The following IL16 variants were observed in gnomAD, a reference collection of about 807,000 sequenced individuals.
IL16 encodes pro-interleukin-16.
A neutral mutation model predicts 110.1 loss-of-function variants in IL16; 67 were observed. The ratio of observed to expected loss-of-function variants is 0.61; its 90% CI spans 0.50 to 0.75. The LOEUF (loss-of-function observed/expected upper bound fraction) is 0.75. Ranked by LOEUF, IL16 falls within the 30% of genes least tolerant of loss-of-function variation. IL16 has a pLI of 0.00. For missense variants in IL16, 1,545 were observed against 1,655.0 expected (o/e 0.93, Z 1.15); for synonymous variants, 689 against 662.9 (o/e 1.04, Z -0.61).
chr15:81,301,555 T>C, intron 15 of IL16, 43 bp downstream of exon 15: 1 of 1,572,078 alleles, frequency 6.4e-7, no homozygotes, highest in Non-Finnish European at 8.7e-7. Flanking sequence ...AATGGCTTAT[T>C]ATGGCTGTGT....
At chr15:81,297,751 G>A (rs906092389) in intron 13 of IL16, among the ~76,000 whole-genome samples, 1 of 152,186 alleles carries the variant, frequency 6.6e-6, no homozygotes, top group African/African-American at 2.4e-5. Context: ...AGCACACATT[G>A]AATGCTGGCT....
chr15:81,201,684 T>G (rs1332844465), intron 1 of IL16, among the ~76,000 whole-genome samples: 1 of 152,246 alleles, frequency 6.6e-6, no homozygotes, highest in African/African-American at 2.4e-5. Flanking sequence ...TGTATTTTAA[T>G]CTTTAATATT....
chr15:81,253,853 T>G (rs1331874943), intron 2 of IL16, among the ~76,000 whole-genome samples: 3 of 152,316 alleles, frequency 2.0e-5, no homozygotes, highest in East Asian at 1.9e-4. Context: ...TATAAGGACA[T>G]GGGAACTGCA....
chr15:81,276,552 C>T (rs1199584295), intron 6 of IL16, among the ~76,000 whole-genome samples: 2 of 152,132 alleles, frequency 1.3e-5, no homozygotes, highest in Non-Finnish European at 2.9e-5. Flanking sequence ...GCCAACAGGC[C>T]CCAGGGGAGC....
chr15:81,197,541 T>G (rs1895641696), intron 1 of IL16, among the ~76,000 whole-genome samples: 1 of 152,078 alleles, frequency 6.6e-6, no homozygotes, highest in Non-Finnish European at 1.5e-5. Context: ...ACGGGGCACC[T>G]GATGGGGGCT....
intron 1 of IL16, among the ~76,000 whole-genome samples, chr15:81,222,374 G>GTTT (rs3086708): frequency 7.3e-6 from 1 of 137,038 alleles, no homozygotes. Flanking sequence ...TTCCAGGAGG[G>GTTT]TTTTTTTTTT....
In IL16 at chr15:81,224,497, C is replaced by T. The variant is rs149788710; in HGVS notation, c.-101-802C>T. Among the ~76,000 whole-genome samples the T allele has an allele frequency of 1.3e-4, 20 of 152,318 alleles. No homozygotes were observed. The East Asian group carries it at 3.9e-3, about 29-fold the overall frequency. ...GGTCTCTCTGGCTGTGAGAGTTTGA[C>T]CCAGTGGGGATAGGTGATGAAGCAG... On this transcript the variant is annotated intron_variant, in intron 1 of 18. Transcript: ENST00000683961.
chr15:81,232,379 G>C (rs1897039262), intron 2 of IL16, among the ~76,000 whole-genome samples: 2 of 152,056 alleles, frequency 1.3e-5, no homozygotes, highest in East Asian at 1.9e-4. Context: ...ATGTCGAATA[G>C]AAGTGGTGAT....
chr15:81,225,843 A>T (rs575117345), intron 2 of IL16, 132 bp downstream of exon 2: 4 of 839,458 alleles, frequency 4.8e-6, no homozygotes, highest in East Asian at 2.7e-5. Context: ...GCAAGAAAAA[A>T]GTTGAGGCAG....
chr15:81,197,011 T>A lies in IL16; in HGVS notation c.-243T>A. 2 of 1,286,664 alleles carry A rather than the reference T, an allele frequency of 1.6e-6. No homozygotes were observed. The highest frequency in any genetic ancestry group is 2.0e-6 in the Non-Finnish European group (2 of 987,940). The allele number at this position is 1,286,664 out of a possible 1,614,324, so 79.7% of individuals were successfully genotyped here. A position where few individuals can be genotyped will look rare whatever the true frequency, so the allele number is the denominator to read the frequency against. On this transcript the variant is annotated 5_prime_UTR_variant, in exon 1 of 19. Transcript: ENST00000683961. The stretch of plus-strand genomic sequence containing the variant: ...TGAGAACTGAGCGTCCATTTCTCAA[T>A]CCTTGCCGGCTCTGACCCAGGCCTG...
At chr15:81,186,542 C>T (rs1224575371) in intron 1 of IL16, among the ~76,000 whole-genome samples, 1 of 152,236 alleles carries the variant, frequency 6.6e-6, no homozygotes. Context: ...TTATCTGAAC[C>T]ACCAGTCTTA....
At position 81,300,029 on chromosome 15, in the gene IL16, G is replaced by C. The variant is rs1900192303; in HGVS notation, c.2703G>C (p.Glu901Asp). ...CCACTCTTGTGCCCCAGCAGCCTGA[G>C]CAAGTACTGTCCTCGGGGTCCCCTG... ...AAPTLVPQQP[E>D]QVLSSGSPAA... is the part of the protein sequence containing the mutation. Residue 901 changes from glutamate (E) to aspartate (D), a missense_variant, in exon 14 of 19, where the codon GAG becomes GAC. Physicochemically the swap from Glu to Asp is conservative, Grantham distance 45. Coordinates refer to ENST00000683961, the MANE Select transcript of IL16 (RefSeq NM_172217.5). 9 of 1,574,666 alleles carry C rather than the reference G, an allele frequency of 5.7e-6. No individual in the cohort carries two copies. The highest frequency in any genetic ancestry group is 7.8e-6 in the Non-Finnish European group (9 of 1,160,992).
chr15:81,300,269 C>G lies in IL16; in HGVS notation c.2943C>G (p.Asp981Glu), dbSNP rs575809541. Reference protein sequence around the residue: ...RSQSCETKLLDEKTSKLYSIS... With the variant: ...RSQSCETKLLEEKTSKLYSIS... ...AGTCCTGTGAGACGAAGCTACTTGA[C>G]GAAAAGACCAGCAAACTCTATTCTA... The change falls in exon 14 of 19, where the codon GAC becomes GAG. Residue 981 changes from aspartate to glutamate, a missense_variant. This residue lies in a region of IL16 where 1,185 missense variants were observed against 1,238.8 expected (regional missense o/e 0.96). Coordinates refer to ENST00000683961, the MANE Select transcript of IL16 (RefSeq NM_172217.5). 11 of 1,614,100 alleles carry G rather than the reference C, an allele frequency of 6.8e-6. No individual in the cohort carries two copies. Among genetic ancestry groups the G allele is most frequent in the African/African-American group, 5.3e-5 (4 of 74,930 alleles).
chr15:81,279,042 C>T (rs543410343), intron 7 of IL16, 152 bp downstream of exon 7: 2 of 635,146 alleles, frequency 3.1e-6, no homozygotes, highest in African/African-American at 3.7e-5. Context: ...TAAAAGAAGA[C>T]CTGACTCAGA....
intron 12 of IL16, among the ~76,000 whole-genome samples, chr15:81,295,972 T>C (rs1318813752): frequency 6.6e-6 from 1 of 152,190 alleles, no homozygotes; most frequent in Admixed American, 6.5e-5. Flanking sequence ...GCCACCGCAG[T>C]ATAGCAAAGC....
chr15:81,298,250 A>C (rs1327341539), intron 13 of IL16, among the ~76,000 whole-genome samples: 1 of 152,182 alleles, frequency 6.6e-6, no homozygotes, highest in Non-Finnish European at 1.5e-5. Flanking sequence ...TCAAGGTGTA[A>C]TGCTCCATGA....
intron 1 of IL16, among the ~76,000 whole-genome samples, chr15:81,187,346 G>A (rs970362970): frequency 2.0e-5 from 3 of 152,122 alleles, no homozygotes; most frequent in Middle Eastern, 3.2e-3. Flanking sequence ...ATCCGTAATC[G>A]CTACACTTTT....
At chr15:81,220,142 C>A (rs1896564958) in intron 1 of IL16, among the ~76,000 whole-genome samples, 1 of 152,000 alleles carries the variant, frequency 6.6e-6, no homozygotes, top group Non-Finnish European at 1.5e-5. Context: ...ATTAAAGATA[C>A]TTCTTTTTTT....
chr15:81,265,669 C>G lies in IL16; in HGVS notation c.432C>G (p.Pro144=). The change falls in exon 4 of 19, where the codon CCC becomes CCG. Residue 144 remains proline, a synonymous_variant. Coordinates refer to ENST00000683961, the MANE Select transcript of IL16 (RefSeq NM_172217.5). ...RARSNSTSVN[P]YCTREIDFPM... ...CCTCTTCTGGTTTAGGTGTTAATCC[C>G]TATTGCACAAGAGAAATTGATTTTC... 1 of 1,613,994 alleles carries G rather than the reference C, an allele frequency of 6.2e-7. No homozygotes were observed. The highest frequency in any genetic ancestry group is 8.5e-7 in the Non-Finnish European group (1 of 1,179,940).
Sources: allele counts gnomAD v4.1 joint callset (sites outside exome capture counted in the v4.1 genomes callset), GRCh38; gene constraint gnomAD v4.1.1; regional missense constraint gnomAD v4.1.1; transcripts MANE v1.5; gene names NCBI Gene and HGNC (gene_info 2026-07-23, HGNC 2026-07-21).